Variants in MTA1 observed in about 807,000 individuals in gnomAD.
MTA1 encodes metastasis-associated protein MTA1.
In MTA1, 15 loss-of-function variants were observed where a neutral mutation model predicts 97.0. The observed-to-expected ratio is 0.15, with a 90% confidence interval of 0.10 to 0.24. The LOEUF is 0.24. MTA1 is among the 10% of genes least tolerant of loss of function. The pLI, the probability that MTA1 is intolerant of heterozygous loss-of-function variation, is 1.00. For synonymous variants in MTA1, 435 were observed against 417.5 expected (o/e 1.04, Z -0.51); for missense variants, 709 against 1,015.1 (o/e 0.70, Z 4.10).
At chr14:105,456,356 C>G (rs2083152545) in intron 7 of MTA1, among the ~76,000 whole-genome samples, 1 of 152,198 alleles carries the variant, frequency 6.6e-6, no homozygotes, top group African/African-American at 2.4e-5. Flanking sequence ...TGAGGTGCCC[C>G]CATCTTACCA....
chr14:105,458,284 C>A lies in MTA1; in HGVS notation c.565C>A (p.Arg189=). The A allele has an allele frequency of 1.2e-6, 2 of 1,612,546 alleles. No homozygotes were observed. Among genetic ancestry groups the A allele is most frequent in the East Asian group, 2.2e-5 (1 of 44,856 alleles). ...CCTCCCTGTAGGCGAGGAGGATGGC[C>A]GAGACCAGTCCAGGTTGGAGACCCA... The part of the protein sequence containing the change: ...DLLKEGEEDG[R]DQSRLETQVW... Residue 189 remains arginine (R), a synonymous_variant, in exon 8 of 21, where the codon CGA becomes AGA. Coordinates refer to ENST00000331320, the MANE Select transcript of MTA1 (RefSeq NM_004689.4).
chr14:105,464,351 G>A, intron 13 of MTA1, 65 bp from the exon 14 acceptor site: 1 of 1,592,584 alleles, frequency 6.3e-7, no homozygotes, highest in African/African-American at 1.3e-5. Context: ...GGGGGTGGCG[G>A]GGAATACTCT....
chr14:105,434,520 G>T (rs1555424001), intron 1 of MTA1, among the ~76,000 whole-genome samples: 2 of 115,710 alleles, frequency 1.7e-5, no homozygotes, highest in Non-Finnish European at 3.4e-5. Flanking sequence ...TTGAGACAGA[G>T]TTTCACTCTT....
At chr14:105,454,083 A>G in intron 6 of MTA1, 110 bp from the exon 7 acceptor site, 1 of 761,320 alleles carries the variant, frequency 1.3e-6, no homozygotes, top group East Asian at 2.7e-5. Flanking sequence ...GTCGCCCCAC[A>G]AGAGCTCTGG....
intron 6 of MTA1, among the ~76,000 whole-genome samples, chr14:105,451,424 C>T (rs1246884570): frequency 6.6e-6 from 1 of 152,212 alleles, no homozygotes; most frequent in Non-Finnish European, 1.5e-5. Context: ...GGGCAGGGCT[C>T]GAACCCTCTC....
intron 10 of MTA1, among the ~76,000 whole-genome samples, 158 bp downstream of exon 10, chr14:105,461,111 C>T (rs2083331838): frequency 6.6e-6 from 1 of 152,166 alleles, no homozygotes; most frequent in Non-Finnish European, 1.5e-5. Flanking sequence ...CAGCTGCGCT[C>T]GGCCGCCATA....
Position 105,464,613 on chromosome 14 carries a change from A to G in MTA1, c.1344+46A>G, listed in dbSNP as rs782650728. ...CCTGCCTGCCATGAGCCTGTCGGCC[A>G]CGCGGGTCCTCGGCCCCCGGTCATG... On this transcript the variant is annotated intron_variant, in intron 14 of 20. Transcript: ENST00000331320. The G allele has an allele frequency of 5.6e-6, 9 of 1,610,010 alleles. No individual in the cohort carries two copies. The South Asian group carries it at 9.9e-5, about 18-fold the overall frequency.
In MTA1 at chr14:105,470,409, GTTGTCGTT is replaced by G. The variant is rs1429107216; in HGVS notation, c.*197_*204del. On this transcript the variant is annotated 3_prime_UTR_variant, in exon 21 of 21. Coordinates refer to ENST00000331320, the MANE Select transcript of MTA1 (RefSeq NM_004689.4). ...TAACTTATTCCGAGAATGCCGAGGAGTTGTCGTTTTTAGCTTTGTGTTTACTTTTTGGC... is the reference window on the plus strand; with the variant it reads ...TAACTTATTCCGAGAATGCCGAGGAGTTTAGCTTTGTGTTTACTTTTTGGC... 1 of 521,746 alleles carries G rather than the reference GTTGTCGTT, an allele frequency of 1.9e-6. No homozygotes were observed. Among genetic ancestry groups the G allele is most frequent in the Non-Finnish European group, 3.2e-6 (1 of 313,520 alleles). The allele number at this position is 521,746 out of a possible 1,614,324, so 32.3% of individuals were successfully genotyped here.
At chr14:105,455,534 G>A (rs1555429694) in intron 7 of MTA1, among the ~76,000 whole-genome samples, 5 of 152,234 alleles carry the variant, frequency 3.3e-5, no homozygotes, top group African/African-American at 7.2e-5. Context: ...TGATCAAGGC[G>A]TTTCGTGCTT....
At position 105,470,404 on chromosome 14, in the gene MTA1, G is replaced by A. The variant is rs1421158050; in HGVS notation, c.*189G>A. ...GCGGCTAACTTATTCCGAGAATGCCGAGGAGTTGTCGTTTTTAGCTTTGTG... is the reference window on the plus strand; with the variant it reads ...GCGGCTAACTTATTCCGAGAATGCCAAGGAGTTGTCGTTTTTAGCTTTGTG... On this transcript the variant is annotated 3_prime_UTR_variant, in exon 21 of 21. Transcript: ENST00000331320. 74 of 528,186 alleles carry A rather than the reference G, an allele frequency of 1.4e-4. No homozygotes were observed. In the South Asian group the frequency reaches 1.8e-3, roughly 13 times the overall value. The allele number at this position is 528,186 out of a possible 1,614,324, so 32.7% of individuals were successfully genotyped here. A position where few individuals can be genotyped will look rare whatever the true frequency, so the allele number is the denominator to read the frequency against.
intron 2 of MTA1, among the ~76,000 whole-genome samples, chr14:105,443,848 T>C (rs1400662403): frequency 1.3e-5 from 2 of 152,090 alleles, no homozygotes; most frequent in Non-Finnish European, 2.9e-5. Context: ...CCCAGCACTT[T>C]GGGAGGCTGA....
At chr14:105,468,221 C>A in intron 18 of MTA1, 1 of 1,099,734 alleles carries the variant, frequency 9.1e-7, no homozygotes, top group Non-Finnish European at 1.2e-6. Context: ...TCTAACCCGG[C>A]CATTTGCCCG....
Position 105,464,682 on chromosome 14 carries a change from C to T in MTA1, c.1353C>T (p.His451=), listed in dbSNP as rs773319840. Reference sequence around the variant, plus strand: ...TGCGCCCCCTTCCGCAGAGTCCCCACGGCCTCCCAGCCCGGAGCAGCGGGA... The same window carrying T: ...TGCGCCCCCTTCCGCAGAGTCCCCATGGCCTCCCAGCCCGGAGCAGCGGGA... ...PGPNRSNMSP[H]GLPARSSGSP... is the part of the protein sequence containing the mutation. Residue 451 remains histidine, a synonymous_variant, in exon 15 of 21, where the codon CAC becomes CAT. Coordinates refer to ENST00000331320, the MANE Select transcript of MTA1 (RefSeq NM_004689.4). 33 of 1,603,002 alleles carry T rather than the reference C, an allele frequency of 2.1e-5. No individual in the cohort carries two copies. The highest frequency in any genetic ancestry group is 1.7e-4 in the Middle Eastern group (1 of 6,060).
chr14:105,450,020 G>A (rs782051669), intron 4 of MTA1, 38 bp from the exon 5 acceptor site: 46 of 1,612,620 alleles, frequency 2.9e-5, no homozygotes, highest in Middle Eastern at 1.6e-4. Flanking sequence ...GGCAGTGTGC[G>A]TCTGCCGCGG....
intron 1 of MTA1, among the ~76,000 whole-genome samples, chr14:105,437,251 GTGTCCTCA>G (rs2082354608): frequency 6.9e-5 from 1 of 14,520 alleles, no homozygotes; most frequent in African/African-American, 1.0e-4. Flanking sequence ...GCCTGCAGGT[GTGTCCTCA>G]CGGGTGTGTC....
intron 1 of MTA1, among the ~76,000 whole-genome samples, chr14:105,432,073 G>C (rs1247582451): frequency 6.6e-6 from 1 of 152,190 alleles, no homozygotes; most frequent in African/African-American, 2.4e-5. Flanking sequence ...TATTGCCCAG[G>C]CTAGAGAGCA....
At chr14:105,462,661 G>C (rs587721887) in intron 10 of MTA1, among the ~76,000 whole-genome samples, 1 of 152,080 alleles carries the variant, frequency 6.6e-6, no homozygotes, top group Non-Finnish European at 1.5e-5. Flanking sequence ...TTGAGGTCAG[G>C]AGTTCGAGAC....
In MTA1 at chr14:105,460,341, G is replaced by T. The variant is rs370554338; in HGVS notation, c.654-17G>T. The T allele has an allele frequency of 3.8e-6, 6 of 1,599,218 alleles. No homozygotes were observed. Among genetic ancestry groups the T allele is most frequent in the Non-Finnish European group, 5.1e-6 (6 of 1,172,926 alleles). ...CTGCTTGGCCGACACTGTGGTCAGC[G>T]CATCTCCTTTCCCCAGCTCTGTGGG... On this transcript the variant is annotated splice_polypyrimidine_tract_variant and intron_variant, in intron 8 of 20. Transcript: ENST00000331320.
intron 8 of MTA1, among the ~76,000 whole-genome samples, chr14:105,458,750 C>T (rs376474388): frequency 2.0e-5 from 3 of 152,178 alleles, no homozygotes; most frequent in African/African-American, 4.8e-5. Context: ...GGGCGAAGGC[C>T]GAGGCCCAGG....
Sources: gnomAD v4.1 joint callset for allele counts (sites outside exome capture counted in the v4.1 genomes callset) on GRCh38, gnomAD v4.1.1 for gene constraint, MANE v1.5 for transcripts, NCBI Gene and HGNC (gene_info 2026-07-23, HGNC 2026-07-21) for gene names.